AMZ1: variants seen among roughly 807,000 people sequenced by gnomAD.
AMZ1 encodes the protein archaemetzincin-1.
A neutral mutation model predicts 29.9 loss-of-function variants in AMZ1; 39 were observed. That is an observed-to-expected ratio of 1.30 (90% CI 1.01 to 1.70). The LOEUF (loss-of-function observed/expected upper bound fraction) is 1.70, where lower values mean the gene tolerates loss of function less well. Among genes scored for constraint, AMZ1 ranks in the 40% most tolerant of loss-of-function variants. The probability of loss-of-function intolerance (pLI) is 0.00; values close to 1 mark genes in which losing one functional copy is unlikely to be tolerated. For missense variants in AMZ1, 1,041 were observed against 680.6 expected, an observed-to-expected ratio of 1.53 and a Z score of -5.89; for synonymous variants, 458 against 304.0, an observed-to-expected ratio of 1.51 and a Z score of -5.27.
rs1237580820 is a variant in AMZ1 at position 2,713,868 on chromosome 7, G to A, written c.*990G>A. ...GTTTCTTGGCAAAGGTGGCCGCGCT[G>A]TCAGTACCAAGTAGCTGGAGGTGGT... On this transcript the variant is annotated 3_prime_UTR_variant, in exon 7 of 7. Transcript: ENST00000683327. 6.6e-6 allele frequency: 1 copy of A among 152,268 alleles called. No homozygotes were observed. Among genetic ancestry groups the A allele is most frequent in the Non-Finnish European group, 1.5e-5 (1 of 68,036 alleles). The allele number at this position is 152,268 out of a possible 1,614,324, so 9.4% of individuals were successfully genotyped here.
chr7:2,693,347 C>G (rs1380724078), intron 1 of AMZ1, among the ~76,000 whole-genome samples: 1 of 152,028 alleles, frequency 6.6e-6, no homozygotes, highest in Non-Finnish European at 1.5e-5. Context: ...TCCCAAGGTG[C>G]TGGGATTACA....
downstream of AMZ1, among the ~76,000 whole-genome samples, chr7:2,723,916 G>T (rs1031453410): frequency 6.6e-6 from 1 of 152,152 alleles, no homozygotes; most frequent in Non-Finnish European, 1.5e-5. Flanking sequence ...CTTCTGGCCA[G>T]ATTTTTTTTT....
chr7:2,703,034 G>A, intron 3 of AMZ1, 145 bp downstream of exon 3: 5 of 1,188,548 alleles, frequency 4.2e-6, no homozygotes, highest in Non-Finnish European at 4.6e-6. Context: ...TGGGAAGCAG[G>A]ACCAAGCCGG....
At position 2,712,146 on chromosome 7, in the gene AMZ1, G is replaced by A. The variant is rs538307161; in HGVS notation, c.949-184G>A. Reference sequence around the variant, plus strand: ...TTGGGGGTGGGTACCTCTGACTCTGGCACAGCCTGGACATGAGTCCTCAAA... The same window carrying A: ...TTGGGGGTGGGTACCTCTGACTCTGACACAGCCTGGACATGAGTCCTCAAA... On this transcript the variant is annotated intron_variant, in intron 6 of 6. Coordinates refer to ENST00000683327, the MANE Select transcript of AMZ1 (RefSeq NM_001384743.1). Among the ~76,000 whole-genome samples, 4 of 152,308 alleles carry A rather than the reference G, an allele frequency of 2.6e-5. 1 individual carries two copies. Among genetic ancestry groups the A allele is most frequent in the African/African-American group, 9.6e-5 (4 of 41,568 alleles).
At chr7:2,712,174 G>A (rs1788823795) in intron 6 of AMZ1, among the ~76,000 whole-genome samples, 156 bp from the exon 7 acceptor site, 1 of 152,208 alleles carries the variant, frequency 6.6e-6, no homozygotes, top group African/African-American at 2.4e-5. Context: ...TCCTCAAAGG[G>A]TGCTGGTCAC....
chr7:2,709,849 G>T, intron 6 of AMZ1, 33 bp downstream of exon 6: 1 of 1,606,002 alleles, frequency 6.2e-7, no homozygotes, highest in Non-Finnish European at 8.5e-7. Context: ...CCGGCTGCTG[G>T]GACCTGCGCT....
chr7:2,760,912 G>A (rs1028026046), upstream of AMZ1, among the ~76,000 whole-genome samples: 29 of 152,152 alleles, frequency 1.9e-4, 1 homozygote, highest in Non-Finnish European at 7.4e-5. Flanking sequence ...TGGGGAGTGG[G>A]GGGTTCTGGC....
chr7:2,723,554 T>C (rs1280460354), downstream of AMZ1, among the ~76,000 whole-genome samples: 1 of 152,212 alleles, frequency 6.6e-6, no homozygotes. Context: ...GGGAGCCAGC[T>C]GTCGGACTGA....
chr7:2,700,672 C>T lies in AMZ1; in HGVS notation c.221C>T (p.Pro74Leu). The change falls in exon 2 of 7, where the codon CCC becomes CTC. Residue 74 changes from proline (P) to leucine (L), a missense_variant. Transcript: ENST00000683327. ...FDWLLSRPEA[P>L]EDFQTFHASL... ...TGGCTCCTGAGCCGACCCGAGGCTC[C>T]CGAGGACTTCCAGACCTTCCACGCC... 6.2e-7 allele frequency: 1 copy of T among 1,612,680 alleles called. No homozygotes were observed. The highest frequency in any genetic ancestry group is 8.5e-7 in the Non-Finnish European group (1 of 1,180,004).
At chr7:2,745,986 T>A (rs552134896) in intron 4 of AMZ1, among the ~76,000 whole-genome samples, 1 of 152,124 alleles carries the variant, frequency 6.6e-6, no homozygotes, top group African/African-American at 2.4e-5. Context: ...TAAATATATA[T>A]GCAAACAATA....
intron 1 of AMZ1, chr7:2,679,737 A>G (rs1283965299): frequency 6.6e-6 from 1 of 152,422 alleles, no homozygotes; most frequent in Admixed American, 6.5e-5. Context: ...GTGGGGCCTG[A>G]AGCCTAAATG....
chr7:2,712,001 C>A (rs113774049), intron 6 of AMZ1, among the ~76,000 whole-genome samples: 1 of 152,030 alleles, frequency 6.6e-6, no homozygotes, highest in African/African-American at 2.4e-5. Flanking sequence ...GAGCTGAGAT[C>A]GCAGCACTGC....
At chr7:2,734,251 C>T (rs193021278) in intron 4 of AMZ1, among the ~76,000 whole-genome samples, 194 of 152,344 alleles carry the variant, frequency 1.3e-3, no homozygotes, top group African/African-American at 4.5e-3. Flanking sequence ...AGCGCAACCA[C>T]CGACCACAGA....
At chr7:2,689,214 C>G (rs111768581) in intron 1 of AMZ1, among the ~76,000 whole-genome samples, 1 of 152,230 alleles carries the variant, frequency 6.6e-6, no homozygotes, top group African/African-American at 2.4e-5. Context: ...TAGCGAGAAT[C>G]AGAGCATGGT....
In AMZ1 at chr7:2,718,249, C is replaced by A. The variant is rs565506395; in HGVS notation, c.*5371C>A. Among the ~76,000 whole-genome samples, 13 of 152,332 alleles carry A rather than the reference C, an allele frequency of 8.5e-5. No homozygotes were observed. The highest frequency in any genetic ancestry group is 2.9e-4 in the African/African-American group (12 of 41,578). ...GCTCCTCTGATGCCGAGAGCTCTGG[C>A]TCTCCTGACTGTGGGCCCAGTGTCC... On this transcript the variant is annotated 3_prime_UTR_variant, in exon 7 of 7. Coordinates refer to ENST00000683327, the MANE Select transcript of AMZ1 (RefSeq NM_001384743.1).
intron 3 of AMZ1, among the ~76,000 whole-genome samples, chr7:2,707,818 CTTTTTT>C (rs60848680): frequency 1.1e-3 from 104 of 95,318 alleles, no homozygotes; most frequent in South Asian, 3.7e-3. Flanking sequence ...CTAACGAGGG[CTTTTTT>C]TTTTTTTTTT....
intron 4 of AMZ1, among the ~76,000 whole-genome samples, chr7:2,755,411 T>C (rs1791246351): frequency 1.3e-5 from 2 of 152,220 alleles, no homozygotes; most frequent in African/African-American, 4.8e-5. Flanking sequence ...TTTGTTTAGA[T>C]CTCATTTCTT....
chr7:2,699,507 G>A (rs934405526), intron 1 of AMZ1, among the ~76,000 whole-genome samples: 13 of 151,702 alleles, frequency 8.6e-5, no homozygotes, highest in South Asian at 2.1e-4. Context: ...GGACGTCTGC[G>A]TGCTGTTGGG....
At position 2,714,674 on chromosome 7, in the gene AMZ1, A is replaced by G. The variant is rs140440794; in HGVS notation, c.*1796A>G. 128 of 152,348 alleles carry G rather than the reference A, an allele frequency of 8.4e-4. 1 individual carries two copies. Among genetic ancestry groups the G allele is most frequent in the African/African-American group, 2.9e-3 (120 of 41,598 alleles). 9.4% of individuals were successfully genotyped at this position (152,348 alleles called of 1,614,324 possible). The stretch of plus-strand genomic sequence containing the variant: ...TAGCTCATGAATCTGTAACTTGGGC[A>G]GAGCTCGGTGGAGACGGTTTGCCCC... On this transcript the variant is annotated 3_prime_UTR_variant, in exon 7 of 7. Coordinates refer to ENST00000683327, the MANE Select transcript of AMZ1 (RefSeq NM_001384743.1).
Sources: gnomAD v4.1 joint callset for allele counts (sites outside exome capture counted in the v4.1 genomes callset) on GRCh38, gnomAD v4.1.1 for gene constraint, MANE v1.5 for transcripts, NCBI Gene and HGNC (gene_info 2026-07-23, HGNC 2026-07-21) for gene names.